POLR1C: variants seen among roughly 807,000 people sequenced by gnomAD.
POLR1C encodes RNA polymerase I and III subunit C.
POLR1C carries 42 observed loss-of-function variants against 38.3 expected under a neutral mutation model. The ratio of observed to expected loss-of-function variants is 1.10; its 90% CI spans 0.86 to 1.42. The LOEUF (loss-of-function observed/expected upper bound fraction) is 1.42. Among genes scored for constraint, POLR1C ranks in the 40% most tolerant of loss-of-function variants. POLR1C has a pLI of 0.00. For synonymous variants in POLR1C, 163 were observed against 163.9 expected (o/e 0.99, Z 0.04); for missense variants, 507 against 450.5 (o/e 1.13, Z -1.14).
At chr6:43,556,723 T>C (rs1762108490) in intron 10 of POLR1C, among the ~76,000 whole-genome samples, 1 of 152,154 alleles carries the variant, frequency 6.6e-6, no homozygotes, top group South Asian at 2.1e-4. Context: ...TATATAAATG[T>C]TCATAGCAGC....
At position 43,520,976 on chromosome 6, in the gene POLR1C, A is replaced by C. The variant is rs1253936507; in HGVS notation, c.850A>C (p.Ser284Arg). 1 of 1,614,120 alleles carries C rather than the reference A, an allele frequency of 6.2e-7. No homozygotes were observed. Among genetic ancestry groups the C allele is most frequent in the Non-Finnish European group, 8.5e-7 (1 of 1,180,038 alleles). Residue 284 changes from serine to arginine, a missense_variant, in exon 8 of 9, where the codon AGC (serine) becomes CGC (arginine). Coordinates refer to ENST00000642195, the MANE Select transcript of POLR1C (RefSeq NM_203290.4). ...RVANPRLDTF[S>R]REIFRNEKLK... ...TGCCAACCCCCGGCTGGATACCTTCAGCAGAGAAATCTTCCGGAATGAGAA... is the reference window on the plus strand; with the variant it reads ...TGCCAACCCCCGGCTGGATACCTTCCGCAGAGAAATCTTCCGGAATGAGAA...
At chr6:43,526,097 T>C, downstream of POLR1C, 5 of 617,336 alleles carry the variant, frequency 8.1e-6, no homozygotes, top group South Asian at 1.0e-4. Flanking sequence ...GCTGATCTTC[T>C]AGAGATGCAC....
At chr6:43,538,953 G>C in intron 9 of POLR1C, 2 of 1,354,254 alleles carry the variant, frequency 1.5e-6, no homozygotes, top group East Asian at 2.3e-5. Flanking sequence ...TCGGGGGTCA[G>C]GTAGCTGTAG....
At chr6:43,526,345 TGAA>T (rs1192163154), downstream of POLR1C, 14 of 399,332 alleles carry the variant, frequency 3.5e-5, no homozygotes, top group East Asian at 9.1e-5. Context: ...ACAACTGCTA[TGAA>T]GAAGAATAAA....
At chr6:43,544,854 T>C (rs1302144656) in intron 9 of POLR1C, among the ~76,000 whole-genome samples, 1 of 152,028 alleles carries the variant, frequency 6.6e-6, no homozygotes, top group Non-Finnish European at 1.5e-5. Context: ...CCTTTAGAAA[T>C]CAAAAGAAAA....
chr6:43,543,352 C>T (rs1443125643), intron 9 of POLR1C, among the ~76,000 whole-genome samples: 2 of 152,042 alleles, frequency 1.3e-5, no homozygotes, highest in Non-Finnish European at 2.9e-5. Flanking sequence ...ACTCAGGAGG[C>T]TGAGGTGGGA....
rs995489702 is a variant in POLR1C, at chr6:43,561,091, A to G, written c.*49-309A>G. On this transcript the variant is annotated intron_variant, in intron 10 of 10. Transcript: ENST00000607635. ...GCAGGGAAGTAATAAAAACAGATAAATTAAACCCTCAAAAAATGTTGTTTC... is the reference window on the plus strand; with the variant it reads ...GCAGGGAAGTAATAAAAACAGATAAGTTAAACCCTCAAAAAATGTTGTTTC... The G allele has an allele frequency of 4.4e-6, 5 of 1,129,162 alleles. No individual in the cohort carries two copies. The African/African-American group carries it at 6.2e-5, about 14-fold the overall frequency. 69.9% of individuals were successfully genotyped at this position (1,129,162 alleles called of 1,614,324 possible).
At chr6:43,528,492 C>G (rs1379060135) in intron 8 of POLR1C, among the ~76,000 whole-genome samples, 3 of 152,028 alleles carry the variant, frequency 2.0e-5, no homozygotes, top group African/African-American at 7.3e-5. Flanking sequence ...CTCCACCCAG[C>G]TGGTCCCCCT....
chr6:43,532,145 GGT>G (rs1159937507), downstream of POLR1C, among the ~76,000 whole-genome samples: 3 of 152,074 alleles, frequency 2.0e-5, no homozygotes, highest in African/African-American at 7.2e-5. Flanking sequence ...ATGGCATGGG[GGT>G]GTGTGGTAAG....
chr6:43,535,211 G>A (rs1324535550), intron 9 of POLR1C, among the ~76,000 whole-genome samples: 1 of 151,698 alleles, frequency 6.6e-6, no homozygotes, highest in Non-Finnish European at 1.5e-5. Context: ...AGTGAGCCAA[G>A]ACTGCGCCAC....
At chr6:43,556,765 C>T (rs1762111842) in intron 10 of POLR1C, among the ~76,000 whole-genome samples, 1 of 152,074 alleles carries the variant, frequency 6.6e-6, no homozygotes, top group Non-Finnish European at 1.5e-5. Flanking sequence ...ATGGAAATAA[C>T]TCAAATGTCC....
At position 43,520,320 on chromosome 6, in the gene POLR1C, ATC is replaced by A; in HGVS notation, c.552_553del (p.Phe185SerfsTer10). 6.2e-7 allele frequency: 1 copy of A among 1,613,266 alleles called. No homozygotes were observed. Among genetic ancestry groups the A allele is most frequent in the Non-Finnish European group, 8.5e-7 (1 of 1,180,012 alleles). On this transcript the variant is annotated frameshift_variant, in exon 6 of 9. Coordinates refer to ENST00000642195, the MANE Select transcript of POLR1C (RefSeq NM_203290.4). LOFTEE classifies it high-confidence loss of function. ...TGGATCCCCCTGGGGAACCAGGCTG[ATC>A]TCTTTCCAGAGGGCACTATCCGACC...
At chr6:43,560,424 G>T in intron 10 of POLR1C, 1 of 1,241,462 alleles carries the variant, frequency 8.1e-7, no homozygotes, top group Non-Finnish European at 1.1e-6. Context: ...CTTTGAAGCT[G>T]TCTCTACTGC....
rs147479127 is a variant in POLR1C at position 43,560,751 on chromosome 6, G to A, written c.*49-649G>A. 2.1e-3 allele frequency among the ~76,000 whole-genome samples: 313 copies of A among 152,304 alleles called. 2 individuals carry two copies. The highest frequency in any genetic ancestry group is 6.8e-3 in the African/African-American group (281 of 41,570). On this transcript the variant is annotated intron_variant, in intron 10 of 10. Transcript: ENST00000607635. ...AGCTGCTGACCTAGACAAGTGCACT[G>A]TTTGGCTCAGGAAGAAGAGCCAATA...
At chr6:43,524,037 T>G, downstream of POLR1C, 1 of 1,604,156 alleles carries the variant, frequency 6.2e-7, no homozygotes, top group Non-Finnish European at 8.5e-7. Flanking sequence ...GAATTAATGC[T>G]GGGCCCTCAG....
At chr6:43,518,129 A>T (rs1187829414) in intron 2 of POLR1C, among the ~76,000 whole-genome samples, 1 of 152,076 alleles carries the variant, frequency 6.6e-6, no homozygotes, top group Non-Finnish European at 1.5e-5. Context: ...ACTGTTGATG[A>T]TAGGGAGATT....
chr6:43,519,895 T>G, intron 4 of POLR1C, 57 bp downstream of exon 4: 2 of 1,581,800 alleles, frequency 1.3e-6, no homozygotes, highest in Non-Finnish European at 1.7e-6. Flanking sequence ...CCTGGTTGAC[T>G]GTGATGTTGG....
chr6:43,551,777 G>A (rs1430202517), intron 10 of POLR1C, among the ~76,000 whole-genome samples: 3 of 151,680 alleles, frequency 2.0e-5, no homozygotes, highest in African/African-American at 4.8e-5. Flanking sequence ...GTGATCCTAC[G>A]GCCTCAGCCT....
In POLR1C at chr6:43,520,408, G is replaced by C. The variant is rs1162412917; in HGVS notation, c.636G>C (p.Met212Ile). 6 of 1,613,600 alleles carry C rather than the reference G, an allele frequency of 3.7e-6. No individual in the cohort carries two copies. The highest frequency in any genetic ancestry group is 4.2e-6 in the Non-Finnish European group (5 of 1,180,048). ...CTGGCCAAGAAATTGACCTGCTCATGCACTGTGTCAAGGGCATTGGTGAGA... is the reference window on the plus strand; with the variant it reads ...CTGGCCAAGAAATTGACCTGCTCATCCACTGTGTCAAGGGCATTGGTGAGA... ...LRPGQEIDLL[M>I]HCVKGIGKDH... is the part of the protein sequence containing the mutation. The change falls in exon 6 of 9, where the codon ATG (methionine) becomes ATC (isoleucine). Residue 212 changes from methionine (M) to isoleucine (I), a missense_variant. Transcript: ENST00000642195.
Sources: allele counts gnomAD v4.1 joint callset (sites outside exome capture counted in the v4.1 genomes callset), GRCh38; gene constraint gnomAD v4.1.1; transcripts MANE v1.5; gene names NCBI Gene and HGNC (gene_info 2026-07-23, HGNC 2026-07-21).